WWP2: variants seen among roughly 807,000 people sequenced by gnomAD.
WWP2 encodes the protein NEDD4-like E3 ubiquitin-protein ligase WWP2.
In WWP2, 57 loss-of-function variants were observed where a neutral mutation model predicts 121.0. That is an observed-to-expected ratio of 0.47 (90% CI 0.38 to 0.59). The LOEUF is 0.59. Among genes scored for constraint, WWP2 ranks in the 20% least tolerant of loss-of-function variants. The pLI, the probability that WWP2 is intolerant of heterozygous loss-of-function variation, is 0.00. For synonymous variants in WWP2, 449 were observed against 441.3 expected, an observed-to-expected ratio of 1.02 and a Z score of -0.22; for missense variants, 962 against 1,158.9, an observed-to-expected ratio of 0.83 and a Z score of 2.47.
At chr16:69,798,620 C>T (rs1328042763) in intron 2 of WWP2, 62 bp from the exon 3 acceptor site, 6 of 1,538,946 alleles carry the variant, frequency 3.9e-6, no homozygotes, top group Non-Finnish European at 5.3e-6. Flanking sequence ...GAACATCTGC[C>T]ACAGGGGGGC....
At chr16:69,768,223 T>C (rs1476591504) in intron 1 of WWP2, among the ~76,000 whole-genome samples, 1 of 152,178 alleles carries the variant, frequency 6.6e-6, no homozygotes, top group African/African-American at 2.4e-5. Context: ...AACCAAAATC[T>C]TTTTAGAAGG....
intron 7 of WWP2, among the ~76,000 whole-genome samples, chr16:69,873,163 C>T (rs933985199): frequency 6.6e-6 from 1 of 152,196 alleles, no homozygotes; most frequent in African/African-American, 2.4e-5. Context: ...TGGCTTTTCA[C>T]GGAAGTGTTG....
At chr16:69,907,283 G>A (rs1410290338) in intron 8 of WWP2, among the ~76,000 whole-genome samples, 1 of 152,158 alleles carries the variant, frequency 6.6e-6, no homozygotes, top group Non-Finnish European at 1.5e-5. Flanking sequence ...TTTAGCTGGG[G>A]GAAGTCTTCT....
intron 2 of WWP2, among the ~76,000 whole-genome samples, chr16:69,796,112 A>G (rs935572461): frequency 6.6e-6 from 1 of 152,138 alleles, no homozygotes; most frequent in Admixed American, 6.5e-5. Context: ...AAAAAGTTAA[A>G]TGTCCTGATT....
chr16:69,833,129 G>A (rs2056820813), intron 4 of WWP2, among the ~76,000 whole-genome samples: 1 of 152,256 alleles, frequency 6.6e-6, no homozygotes, highest in Non-Finnish European at 1.5e-5. Context: ...AAAGTGCTGG[G>A]ATTACAGGCG....
chr16:69,846,070 A>AAAAAG lies in WWP2; in HGVS notation c.575+3950_575+3951insAAAAG, dbSNP rs58504050. Among the ~76,000 whole-genome samples, 10 of 149,646 alleles carry AAAAAG rather than the reference A, an allele frequency of 6.7e-5. 1 individual carries two copies. Among genetic ancestry groups the AAAAAG allele is most frequent in the African/African-American group, 2.5e-4 (10 of 40,314 alleles). On this transcript the variant is annotated intron_variant, in intron 6 of 23. Coordinates refer to ENST00000359154, the MANE Select transcript of WWP2 (RefSeq NM_001270454.2). ...ATCTCAAAAAAAAAAAAAAAAAAAA[A>AAAAAG]GAATACTTATCTGGTCTGGCACATG...
rs1233850697 is a variant in WWP2, at chr16:69,827,167, C to A, written c.341-12959C>A. Among the ~76,000 whole-genome samples the A allele has an allele frequency of 2.8e-5, 4 of 144,914 alleles. No individual in the cohort carries two copies. In the East Asian group the frequency reaches 7.9e-4, roughly 29 times the overall value. On this transcript the variant is annotated intron_variant, in intron 4 of 23. Coordinates refer to ENST00000359154, the MANE Select transcript of WWP2 (RefSeq NM_001270454.2). ...AATGGAAATTATGAAAAAAAAAAAA[C>A]TACTGTGGAATTAATGGAAATTGAA...
intron 8 of WWP2, among the ~76,000 whole-genome samples, chr16:69,902,731 C>A (rs558688674): frequency 3.3e-4 from 50 of 152,208 alleles, no homozygotes; most frequent in African/African-American, 1.2e-3. Flanking sequence ...AAAATTGATA[C>A]CAGTGTCACT....
In WWP2 at chr16:69,939,056, G is replaced by T. The variant is rs1271618789; in HGVS notation, c.2373G>T (p.Arg791Ser). 6.2e-7 allele frequency: 1 copy of T among 1,606,626 alleles called. No individual in the cohort carries two copies. Among genetic ancestry groups the T allele is most frequent in the Admixed American group, 1.7e-5 (1 of 59,188 alleles). The change falls in exon 22 of 24, where the codon AGG becomes AGT. Residue 791 changes from arginine (R) to serine (S), a missense_variant. Arg to Ser is a moderately radical substitution (Grantham distance 110). Transcript: ENST00000359154. ...TGAAGGAGATGGACAACGAGAAGAG[G>T]ATCCGGCTGCTGCAGTTTGTCACCG... ...QVVKEMDNEK[R>S]IRLLQFVTGT...
At chr16:69,871,992 G>T in intron 7 of WWP2, 61 bp downstream of exon 7, 1 of 1,556,236 alleles carries the variant, frequency 6.4e-7, no homozygotes, top group Non-Finnish European at 8.7e-7. Flanking sequence ...CCGTTCTAAC[G>T]TGGACACGGG....
intron 4 of WWP2, among the ~76,000 whole-genome samples, chr16:69,810,456 C>T (rs1282330412): frequency 9.6e-5 from 14 of 145,078 alleles, no homozygotes; most frequent in Non-Finnish European, 1.8e-4. Context: ...GACGGAGTTT[C>T]GCTCTGTCCC....
chr16:69,905,259 G>A (rs1371207813), intron 8 of WWP2, among the ~76,000 whole-genome samples: 1 of 152,194 alleles, frequency 6.6e-6, no homozygotes. Context: ...TTAAACAGTA[G>A]CACTCTGGTC....
chr16:69,795,190 C>T (rs973064433), intron 2 of WWP2, among the ~76,000 whole-genome samples: 2 of 151,726 alleles, frequency 1.3e-5, no homozygotes, highest in African/African-American at 2.4e-5. Flanking sequence ...GAGCCGTGAT[C>T]GTGCCACTGC....
chr16:69,802,753 G>A (rs1471153286), intron 4 of WWP2, among the ~76,000 whole-genome samples: 1 of 151,782 alleles, frequency 6.6e-6, no homozygotes, highest in Non-Finnish European at 1.5e-5. Context: ...ACAGGTACCT[G>A]CCACCATGCC....
In WWP2 at chr16:69,799,951, C is replaced by T. The variant is rs2056126899; in HGVS notation, c.340+656C>T. On this transcript the variant is annotated intron_variant, in intron 4 of 23. Coordinates refer to ENST00000359154, the MANE Select transcript of WWP2 (RefSeq NM_001270454.2). This position sits in a 1 kb window ranked among gnomAD's most constrained non-coding sequence, Gnocchi z 4.5. ...TCCTTCATAAGGCCTCTATTCAGAGCAGTACCATATGTGGCGAATGAATGG... is the reference window on the plus strand; with the variant it reads ...TCCTTCATAAGGCCTCTATTCAGAGTAGTACCATATGTGGCGAATGAATGG... Among the ~76,000 whole-genome samples, 1 of 151,252 alleles carries T rather than the reference C, an allele frequency of 6.6e-6. No homozygotes were observed. The highest frequency in any genetic ancestry group is 2.4e-5 in the African/African-American group (1 of 41,096).
At position 69,941,593 on chromosome 16, in the gene WWP2, G is replaced by A. The variant is rs986975699; in HGVS notation, c.*1653G>A. The A allele has an allele frequency of 2.3e-4, 36 of 153,818 alleles. No homozygotes were observed. The highest frequency in any genetic ancestry group is 4.4e-5 in the Non-Finnish European group (3 of 68,094). 9.5% of individuals were successfully genotyped at this position (153,818 alleles called of 1,614,324 possible). A position where few individuals can be genotyped will look rare whatever the true frequency, so the allele number is the denominator to read the frequency against. ...GGCTCACGGGTGTTCATGTGTGTTCGTGCGTGTGTGTGCGTACGTGTATAT... is the reference window on the plus strand; with the variant it reads ...GGCTCACGGGTGTTCATGTGTGTTCATGCGTGTGTGTGCGTACGTGTATAT... On this transcript the variant is annotated 3_prime_UTR_variant, in exon 24 of 24. Coordinates refer to ENST00000359154, the MANE Select transcript of WWP2 (RefSeq NM_001270454.2).
chr16:69,812,672 A>C (rs571324346), intron 4 of WWP2, among the ~76,000 whole-genome samples: 5 of 151,718 alleles, frequency 3.3e-5, no homozygotes, highest in African/African-American at 1.2e-4. Flanking sequence ...GATTCCCCTC[A>C]ACTTGGGGCT....
chr16:69,866,525 G>T (rs2057527674), intron 6 of WWP2, among the ~76,000 whole-genome samples: 1 of 151,864 alleles, frequency 6.6e-6, no homozygotes, highest in Non-Finnish European at 1.5e-5. Flanking sequence ...AATTAGTTTG[G>T]CTACTCCAGG....
chr16:69,795,661 T>TG (rs1184710869), intron 2 of WWP2, among the ~76,000 whole-genome samples: 1 of 134,932 alleles, frequency 7.4e-6, no homozygotes, highest in Non-Finnish European at 1.6e-5. Context: ...TTTTTTTTTT[T>TG]TTTTTTTTTT....
Sources: allele counts gnomAD v4.1 joint callset (sites outside exome capture counted in the v4.1 genomes callset), GRCh38; gene constraint gnomAD v4.1.1; non-coding constraint Gnocchi (gnomAD v3.1); transcripts MANE v1.5; gene names NCBI Gene and HGNC (gene_info 2026-07-23, HGNC 2026-07-21).